Variants in AGAP1 observed in about 807,000 individuals in gnomAD.
The protein encoded by AGAP1 is ArfGAP with GTPase domain, ankyrin repeat and PH domain 1.
In AGAP1, 29 loss-of-function variants were observed where a neutral mutation model predicts 105.3. The ratio of observed to expected loss-of-function variants is 0.28; its 90% CI spans 0.21 to 0.38. The LOEUF is 0.38. Among genes scored for constraint, AGAP1 ranks in the 10% least tolerant of loss-of-function variants. AGAP1 has a pLI of 1.00. For missense variants in AGAP1, 998 were observed against 1,165.1 expected, an observed-to-expected ratio of 0.86 and a Z score of 2.09; for synonymous variants, 509 against 485.9, an observed-to-expected ratio of 1.05 and a Z score of -0.63.
intron 16 of AGAP1, among the ~76,000 whole-genome samples, chr2:236,097,380 C>CTT (rs58882083): frequency 0.084 from 4,107 of 48,658 alleles, 1,282 homozygotes; most frequent in East Asian, 0.13. Flanking sequence ...TCATCCTAAT[C>CTT]TTTTTTTTTT....
chr2:236,117,952 A>G (rs2059810495), intron 16 of AGAP1, among the ~76,000 whole-genome samples: 1 of 152,114 alleles, frequency 6.6e-6, no homozygotes, highest in Admixed American at 6.6e-5. Flanking sequence ...AGCTGTAGCC[A>G]AGTGTTTGTC....
chr2:235,716,708 G>A lies in AGAP1; in HGVS notation c.223-849G>A, dbSNP rs541932957. Among the ~76,000 whole-genome samples, 2 of 152,210 alleles carry A rather than the reference G, an allele frequency of 1.3e-5. No individual in the cohort carries two copies. The highest frequency in any genetic ancestry group is 1.9e-4 in the East Asian group (1 of 5,160). ...CTTCCCAGAGAAGGCGGCATGGGGGGTATCCAGCTCCCAAGCACAGGGAAA... is the reference window on the plus strand; with the variant it reads ...CTTCCCAGAGAAGGCGGCATGGGGGATATCCAGCTCCCAAGCACAGGGAAA... On this transcript the variant is annotated intron_variant, in intron 2 of 17. Coordinates refer to ENST00000304032, the MANE Select transcript of AGAP1 (RefSeq NM_001037131.3). This position sits in a 1 kb window ranked among gnomAD's most constrained non-coding sequence, Gnocchi z 4.0.
intron 1 of AGAP1, among the ~76,000 whole-genome samples, chr2:235,508,163 A>G (rs1222040810): frequency 6.6e-6 from 1 of 151,930 alleles, no homozygotes; most frequent in Non-Finnish European, 1.5e-5. Flanking sequence ...CATGTACCAC[A>G]TTTTCTTTAT....
At position 235,622,904 on chromosome 2, in the gene AGAP1, G is replaced by A. The variant is rs577167793; in HGVS notation, c.164-86275G>A. ...TTCTTGGAGTCAGCACTGCTTCACG[G>A]TCCTATTGGCATGAGAACCACGTCC... On this transcript the variant is annotated intron_variant, in intron 1 of 17. Transcript: ENST00000304032. The surrounding 1 kb of genome is among the most constrained non-coding windows in gnomAD (Gnocchi z 5.0). Among the ~76,000 whole-genome samples the A allele has an allele frequency of 3.3e-5, 5 of 152,162 alleles. No individual in the cohort carries two copies. In the South Asian group the frequency reaches 1.0e-3, roughly 32 times the overall value.
chr2:235,923,118 C>G (rs1377527032), intron 11 of AGAP1, among the ~76,000 whole-genome samples: 1 of 152,182 alleles, frequency 6.6e-6, no homozygotes. Context: ...AACACTCTTT[C>G]TGAGTTCAGA....
At chr2:235,717,270 T>C (rs905831871) in intron 2 of AGAP1, among the ~76,000 whole-genome samples, 1 of 152,234 alleles carries the variant, frequency 6.6e-6, no homozygotes, top group Non-Finnish European at 1.5e-5. Flanking sequence ...ACAGCCCTGA[T>C]GTAAACAATG....
At chr2:235,911,701 C>A (rs1236968287) in intron 11 of AGAP1, among the ~76,000 whole-genome samples, 1 of 152,206 alleles carries the variant, frequency 6.6e-6, no homozygotes, top group Non-Finnish European at 1.5e-5. Context: ...TTTCCCATTG[C>A]CCAGTTTCAT....
At chr2:235,796,251 A>T (rs1193372718) in intron 6 of AGAP1, among the ~76,000 whole-genome samples, 1 of 152,232 alleles carries the variant, frequency 6.6e-6, no homozygotes, top group African/African-American at 2.4e-5. Flanking sequence ...TGGTTTTTGC[A>T]ATTTCAAGAT....
intron 9 of AGAP1, among the ~76,000 whole-genome samples, chr2:235,812,129 C>T (rs1033158899): frequency 6.6e-6 from 1 of 152,094 alleles, no homozygotes; most frequent in Non-Finnish European, 1.5e-5. Context: ...TTGTGATGCT[C>T]GGTGGATGCA....
chr2:235,680,555 A>T (rs1470958876), intron 1 of AGAP1, among the ~76,000 whole-genome samples: 1 of 151,644 alleles, frequency 6.6e-6, no homozygotes, highest in Admixed American at 6.6e-5. Flanking sequence ...CCATGTGGGG[A>T]GGCACCGAGA....
chr2:235,945,187 G>A lies in AGAP1; in HGVS notation c.1483+14264G>A, dbSNP rs1292223330. ...GCGATCTCGGCTCAATGCAAGCTCC[G>A]TCTCCCAGGTTCCCGCCATTCTCCT... On this transcript the variant is annotated intron_variant, in intron 12 of 17. Transcript: ENST00000304032. Among the ~76,000 whole-genome samples the A allele has an allele frequency of 5.9e-5, 9 of 152,084 alleles. 1 individual carries two copies. The highest frequency in any genetic ancestry group is 2.6e-4 in the Admixed American group (4 of 15,266).
chr2:235,911,264 T>TG (rs1450518338), intron 11 of AGAP1, among the ~76,000 whole-genome samples: 13 of 152,072 alleles, frequency 8.5e-5, no homozygotes, highest in African/African-American at 3.1e-4. Flanking sequence ...CCCCTGTTGT[T>TG]GGGGAGAAAG....
At chr2:235,765,859 A>T (rs987968715) in intron 6 of AGAP1, among the ~76,000 whole-genome samples, 3 of 152,208 alleles carry the variant, frequency 2.0e-5, no homozygotes. Flanking sequence ...CCAAGATTTC[A>T]TTATTCAATG....
chr2:236,039,295 A>G (rs1316833606), intron 14 of AGAP1, among the ~76,000 whole-genome samples: 3 of 152,174 alleles, frequency 2.0e-5, no homozygotes, highest in Non-Finnish European at 4.4e-5. Flanking sequence ...AAAAATTTTT[A>G]AATAGCCAGG....
intron 1 of AGAP1, among the ~76,000 whole-genome samples, chr2:235,681,437 T>C (rs1292007932): frequency 6.6e-6 from 1 of 152,158 alleles, no homozygotes; most frequent in Non-Finnish European, 1.5e-5. Context: ...AACCTAGGCC[T>C]CTGTCCTGTC....
chr2:235,863,196 AAGG>A (rs1241284484), intron 9 of AGAP1, among the ~76,000 whole-genome samples: 2 of 152,328 alleles, frequency 1.3e-5, no homozygotes, highest in East Asian at 3.9e-4. Flanking sequence ...TGTAGCAACT[AAGG>A]AGCCAGATGG....
Position 236,055,924 on chromosome 2 carries a change from C to T in AGAP1, c.2114+6643C>T, listed in dbSNP as rs1576187951. Among the ~76,000 whole-genome samples, 1 of 152,274 alleles carries T rather than the reference C, an allele frequency of 6.6e-6. No homozygotes were observed. The highest frequency in any genetic ancestry group is 1.5e-5 in the Non-Finnish European group (1 of 68,028). On this transcript the variant is annotated intron_variant, in intron 16 of 17. Transcript: ENST00000304032. This position sits in a 1 kb window ranked among gnomAD's most constrained non-coding sequence, Gnocchi z 6.2. ...TGCTTCAGTTTACTAGAGCTCAGGG[C>T]CCGGATCAGAAATATTCTGCTATAA...
intron 9 of AGAP1, among the ~76,000 whole-genome samples, chr2:235,813,793 T>G (rs1419221487): frequency 1.3e-5 from 2 of 152,242 alleles, no homozygotes; most frequent in African/African-American, 4.8e-5. Flanking sequence ...CTTAGTGTAC[T>G]GGAAGAATTG....
rs561894870 is a variant in AGAP1, at chr2:235,740,553, A to G, written c.311-410A>G. On this transcript the variant is annotated intron_variant, in intron 3 of 17. Transcript: ENST00000304032. This position sits in a 1 kb window ranked among gnomAD's most constrained non-coding sequence, Gnocchi z 5.7. ...ATACAGGTTCTCGGCCCTGTAATTT[A>G]CCAAGAGGTTGCAGATCAGGCACCT... 1.3e-5 allele frequency among the ~76,000 whole-genome samples: 2 copies of G among 152,310 alleles called. No individual in the cohort carries two copies. Among genetic ancestry groups the G allele is most frequent in the South Asian group, 4.1e-4 (2 of 4,820 alleles).
Sources: gnomAD v4.1 joint callset for allele counts (sites outside exome capture counted in the v4.1 genomes callset) on GRCh38, gnomAD v4.1.1 for gene constraint, Gnocchi (gnomAD v3.1) non-coding constraint, MANE v1.5 for transcripts, NCBI Gene and HGNC (gene_info 2026-07-23, HGNC 2026-07-21) for gene names.